RAI1: variants seen among roughly 807,000 people sequenced by gnomAD.
RAI1 encodes the protein retinoic acid-induced protein 1.
In RAI1, 9 loss-of-function variants were observed where a neutral mutation model predicts 123.8. That is an observed-to-expected ratio of 0.07 (90% CI 0.04 to 0.13). The LOEUF is 0.13. Ranked by LOEUF, RAI1 falls within the 10% of genes least tolerant of loss-of-function variation. The pLI is 1.00. For synonymous variants in RAI1, 1,231 were observed against 1,127.3 expected, an observed-to-expected ratio of 1.09 and a Z score of -1.84; for missense variants, 2,256 against 2,545.8, an observed-to-expected ratio of 0.89 and a Z score of 2.45.
At position 17,794,221 on chromosome 17, in the gene RAI1, A is replaced by C; in HGVS notation, c.1273A>C (p.Asn425His). Residue 425 changes from asparagine to histidine, a missense_variant, in exon 3 of 6, where the codon AAC becomes CAC. By Grantham distance (68) the Asn-to-His change is moderately conservative (BLOSUM62 1). Coordinates refer to ENST00000353383, the MANE Select transcript of RAI1 (RefSeq NM_030665.4). ...KPLQKDKLPENLLSDLSLQSL... is the reference protein window; with the variant it reads ...KPLQKDKLPEHLLSDLSLQSL... ...CCTTCAGAAGGACAAGCTCCCTGAG[A>C]ACCTGCTGTCGGATCTCAGCCTGCA... The C allele has an allele frequency of 6.2e-7, 1 of 1,613,432 alleles. No individual in the cohort carries two copies. Among genetic ancestry groups the C allele is most frequent in the Non-Finnish European group, 8.5e-7 (1 of 1,180,026 alleles).
intron 2 of RAI1, among the ~76,000 whole-genome samples, chr17:17,739,493 A>C (rs1363468471): frequency 1.3e-5 from 2 of 152,306 alleles, no homozygotes; most frequent in Non-Finnish European, 2.9e-5. Flanking sequence ...CAGAGAGAGA[A>C]TCTGGCAGCC....
rs1914789448 is a variant in RAI1, at chr17:17,690,201, C to T, written c.-149+8408C>T. 3.3e-5 allele frequency among the ~76,000 whole-genome samples: 5 copies of T among 152,032 alleles called. No individual in the cohort carries two copies. In the South Asian group the frequency reaches 1.0e-3, roughly 32 times the overall value. On this transcript the variant is annotated intron_variant, in intron 1 of 5. Coordinates refer to ENST00000353383, the MANE Select transcript of RAI1 (RefSeq NM_030665.4). ...GGAGTTCGAGACCAGCCTGGCCAAACATGGTGAAACCCCATCTCTACTAAA... is the reference window on the plus strand; with the variant it reads ...GGAGTTCGAGACCAGCCTGGCCAAATATGGTGAAACCCCATCTCTACTAAA...
chr17:17,744,293 A>G (rs1218530408), intron 2 of RAI1, among the ~76,000 whole-genome samples: 1 of 152,134 alleles, frequency 6.6e-6, no homozygotes, highest in Non-Finnish European at 1.5e-5. Flanking sequence ...CTTCCCTGCT[A>G]AGAGCCTCAG....
In RAI1 at chr17:17,793,083, G is replaced by C. The variant is rs2032080785; in HGVS notation, c.135G>C (p.Leu45=). The change falls in exon 3 of 6, where the codon CTG becomes CTC. Residue 45 remains leucine (L), a synonymous_variant. Transcript: ENST00000353383. ...QAGLSCDRQR[L]LAKDYYNPQP... is the part of the protein sequence containing the mutation. ...GGCTAAGCTGCGACCGGCAGCGGCT[G>C]CTCGCCAAGGACTATTATAACCCGC... 1 of 1,614,052 alleles carries C rather than the reference G, an allele frequency of 6.2e-7. No individual in the cohort carries two copies. The highest frequency in any genetic ancestry group is 1.7e-5 in the Admixed American group (1 of 60,030).
Position 17,760,187 on chromosome 17 carries a change from C to T in RAI1, c.-16-32746C>T, listed in dbSNP as rs1046228225. The stretch of plus-strand genomic sequence containing the variant: ...GCCCAGGTCACTGTGGCTGTGTGCT[C>T]GAGCAGTGCTGTAATGGTGGAAGGG... On this transcript the variant is annotated intron_variant, in intron 2 of 5. Transcript: ENST00000353383. Among the ~76,000 whole-genome samples the T allele has an allele frequency of 6.6e-5, 10 of 152,128 alleles. No homozygotes were observed. The South Asian group carries it at 1.0e-3, about 16-fold the overall frequency.
chr17:17,706,053 CAAA>C (rs1340214222), intron 1 of RAI1, among the ~76,000 whole-genome samples: 2 of 129,820 alleles, frequency 1.5e-5, no homozygotes, highest in Admixed American at 7.7e-5. Context: ...AAAAAGGCAA[CAAA>C]AACCAAACGC....
intron 2 of RAI1, among the ~76,000 whole-genome samples, chr17:17,752,396 G>T (rs1172063186): frequency 1.3e-5 from 2 of 152,054 alleles, no homozygotes; most frequent in Non-Finnish European, 2.9e-5. Context: ...CCGGGGCGAG[G>T]CTGGTCTTGT....
At chr17:17,740,394 C>T (rs914701632) in intron 2 of RAI1, among the ~76,000 whole-genome samples, 2 of 152,238 alleles carry the variant, frequency 1.3e-5, no homozygotes, top group African/African-American at 2.4e-5. Context: ...CTAACACAGC[C>T]ACCTCTGGAG....
At chr17:17,783,679 A>G (rs1346436036) in intron 2 of RAI1, among the ~76,000 whole-genome samples, 3 of 151,920 alleles carry the variant, frequency 2.0e-5, no homozygotes, top group Admixed American at 2.0e-4. Context: ...GCCGCAGTCC[A>G]GCGCCTCGCG....
chr17:17,694,853 C>A (rs2142872824), intron 1 of RAI1, among the ~76,000 whole-genome samples: 2 of 151,784 alleles, frequency 1.3e-5, no homozygotes, highest in East Asian at 3.9e-4. Flanking sequence ...TGAGGCCCCG[C>A]CCCCTGGCGG....
chr17:17,749,206 G>A (rs1239504339), intron 2 of RAI1, among the ~76,000 whole-genome samples: 1 of 152,208 alleles, frequency 6.6e-6, no homozygotes, highest in Non-Finnish European at 1.5e-5. Context: ...AGTCCTGCCC[G>A]CCTCCCCAGA....
chr17:17,734,403 C>T lies in RAI1; in HGVS notation c.-17+10244C>T, dbSNP rs1435735831. ...AGGCTGCCATGAGCCAAGATTGTACCACTGCACTCCAGCCTGGGTGAAAGA... is the reference window on the plus strand; with the variant it reads ...AGGCTGCCATGAGCCAAGATTGTACTACTGCACTCCAGCCTGGGTGAAAGA... On this transcript the variant is annotated intron_variant, in intron 2 of 5. Coordinates refer to ENST00000353383, the MANE Select transcript of RAI1 (RefSeq NM_030665.4). Among the ~76,000 whole-genome samples the T allele has an allele frequency of 3.3e-5, 5 of 152,090 alleles. No individual in the cohort carries two copies. The East Asian group carries it at 7.7e-4, about 24-fold the overall frequency.
intron 1 of RAI1, among the ~76,000 whole-genome samples, chr17:17,710,999 C>T (rs1325382100): frequency 6.6e-6 from 1 of 152,188 alleles, no homozygotes; most frequent in South Asian, 2.1e-4. Flanking sequence ...AGCCTCCTCC[C>T]CCTCCCCTGC....
chr17:17,779,195 C>A (rs1325365155), intron 2 of RAI1: 1 of 336,446 alleles, frequency 3.0e-6, no homozygotes, highest in Non-Finnish European at 5.9e-6. Flanking sequence ...TCCCGGGTGG[C>A]CCCAGGCCTG....
chr17:17,795,563 C>T lies in RAI1; in HGVS notation c.2615C>T (p.Ser872Phe), dbSNP rs755082728. 2 of 1,609,992 alleles carry T rather than the reference C, an allele frequency of 1.2e-6. No homozygotes were observed. The highest frequency in any genetic ancestry group is 1.7e-6 in the Non-Finnish European group (2 of 1,178,374). Residue 872 changes from serine to phenylalanine, a missense_variant, in exon 3 of 6, where the codon TCC (serine) becomes TTC (phenylalanine). Ser to Phe is a radical substitution (Grantham distance 155). Coordinates refer to ENST00000353383, the MANE Select transcript of RAI1 (RefSeq NM_030665.4). This position sits in a 1 kb window ranked among gnomAD's most constrained non-coding sequence, Gnocchi z 5.9. ...KEDLEAEEEY[S>F]SLCELLGSPE... ...GACCTGGAAGCTGAGGAGGAGTACT[C>T]CTCCCTATGTGAGCTCCTGGGCAGC...
At chr17:17,769,559 G>A (rs2031066597) in intron 2 of RAI1, among the ~76,000 whole-genome samples, 1 of 152,262 alleles carries the variant, frequency 6.6e-6, no homozygotes, top group South Asian at 2.1e-4. Context: ...ACAGGGCAGA[G>A]GCTAGGGACG....
rs1303451292 is a variant in RAI1 at position 17,797,691 on chromosome 17, C to T, written c.4743C>T (p.Ser1581=). The change falls in exon 3 of 6, where the codon TCC becomes TCT. Residue 1581 remains serine, a synonymous_variant. Coordinates refer to ENST00000353383, the MANE Select transcript of RAI1 (RefSeq NM_030665.4). The part of the protein sequence containing the change: ...AEPEIRLKYI[S]SCKRLRSDSR... Reference sequence around the variant, plus strand: ...CTGAAATCCGCCTCAAGTACATTTCCTCTTGCAAGCGGCTGAGGTCAGACA... The same window carrying T: ...CTGAAATCCGCCTCAAGTACATTTCTTCTTGCAAGCGGCTGAGGTCAGACA... The T allele has an allele frequency of 3.1e-6, 5 of 1,613,488 alleles. No individual in the cohort carries two copies. The highest frequency in any genetic ancestry group is 4.2e-6 in the Non-Finnish European group (5 of 1,179,758).
At position 17,797,324 on chromosome 17, in the gene RAI1, C is replaced by T. The variant is rs1216057907; in HGVS notation, c.4376C>T (p.Ser1459Phe). 6.2e-7 allele frequency: 1 copy of T among 1,612,420 alleles called. No homozygotes were observed. The highest frequency in any genetic ancestry group is 1.1e-5 in the South Asian group (1 of 91,062). Residue 1459 changes from serine to phenylalanine, a missense_variant, in exon 3 of 6, where the codon TCC becomes TTC. Transcript: ENST00000353383. ...GGCCGGGCAGGGGCCCATGGACTCTCCAAAGGCCCGCTGGAGAAGCGGCCC... is the reference window on the plus strand; with the variant it reads ...GGCCGGGCAGGGGCCCATGGACTCTTCAAAGGCCCGCTGGAGAAGCGGCCC... ...RKGRAGAHGL[S>F]KGPLEKRPYL... is the part of the protein sequence containing the mutation.
intron 2 of RAI1, among the ~76,000 whole-genome samples, chr17:17,736,115 T>A (rs1916424552): frequency 6.6e-6 from 1 of 152,132 alleles, no homozygotes; most frequent in African/African-American, 2.4e-5. Flanking sequence ...CCCTGGAGGA[T>A]GGGGGGACAT....
Sources: allele counts gnomAD v4.1 joint callset (sites outside exome capture counted in the v4.1 genomes callset), GRCh38; gene constraint gnomAD v4.1.1; non-coding constraint Gnocchi (gnomAD v3.1); transcripts MANE v1.5; gene names NCBI Gene and HGNC (gene_info 2026-07-23, HGNC 2026-07-21).